Variants in CPZ observed in about 807,000 individuals in gnomAD.
The protein encoded by CPZ is carboxypeptidase Z.
Under a neutral mutation model 61.8 loss-of-function variants are expected in CPZ, and 103 were observed. The ratio of observed to expected loss-of-function variants is 1.67; its 90% CI spans 1.42 to 1.96. The LOEUF is 1.96. CPZ is among the 30% of genes most tolerant of loss of function. The pLI is 0.00. For missense variants in CPZ, 1,461 were observed against 914.9 expected (o/e 1.60, Z -7.70); for synonymous variants, 551 against 373.7 (o/e 1.47, Z -5.47).
chr4:8,619,710 C>T lies in CPZ; in HGVS notation c.*93C>T. The T allele has an allele frequency of 1.1e-6, 1 of 928,430 alleles. No homozygotes were observed. Among genetic ancestry groups the T allele is most frequent in the Non-Finnish European group, 1.5e-6 (1 of 651,478 alleles). 57.5% of individuals were successfully genotyped at this position (928,430 alleles called of 1,614,324 possible). On this transcript the variant is annotated 3_prime_UTR_variant, in exon 11 of 11. Transcript: ENST00000360986. Reference sequence around the variant, plus strand: ...TTGATTTTGTCTGCCACAGACATCCCACAAAGCCGCTGCCATTTTATTAAA... The same window carrying T: ...TTGATTTTGTCTGCCACAGACATCCTACAAAGCCGCTGCCATTTTATTAAA...
intron 4 of CPZ, 64 bp downstream of exon 4, chr4:8,604,252 T>G: frequency 7.0e-7 from 1 of 1,424,316 alleles, no homozygotes; most frequent in Non-Finnish European, 9.4e-7. Flanking sequence ...CCGCTCCACC[T>G]TCGGGTGCAC....
At position 8,592,844 on chromosome 4, in the gene CPZ, CG is replaced by C. The variant is rs1560286292; in HGVS notation, c.12del (p.Leu5CysfsTer78). 2.1e-5 allele frequency: 31 copies of C among 1,479,158 alleles called. No homozygotes were observed. Among genetic ancestry groups the C allele is most frequent in the Admixed American group, 7.1e-5 (3 of 41,972 alleles). 91.6% of individuals were successfully genotyped at this position (1,479,158 alleles called of 1,614,324 possible). MPP[P>X]LPLLLLTVLV... ...GTCCGCCGCCCCACCATGCCGCCCC[CG>C]CTGCCGCTGCTGCTCCTTACAGTCC... On this transcript the variant is annotated frameshift_variant, in exon 1 of 11. Transcript: ENST00000360986. LOFTEE classifies it high-confidence loss of function.
intron 7 of CPZ, among the ~76,000 whole-genome samples, chr4:8,608,128 C>CT (rs1553877362): frequency 1.7e-5 from 2 of 117,652 alleles, no homozygotes; most frequent in Non-Finnish European, 3.5e-5. Context: ...TGAGGTGGGC[C>CT]CCAGCCTCCA....
intron 1 of CPZ, among the ~76,000 whole-genome samples, chr4:8,598,272 C>G (rs1714325246): frequency 6.6e-6 from 1 of 152,228 alleles, no homozygotes; most frequent in South Asian, 2.1e-4. Flanking sequence ...AACCCAGTCC[C>G]AGGAAGTTCC....
chr4:8,608,739 T>A (rs1251754612), intron 7 of CPZ, among the ~76,000 whole-genome samples: 1 of 151,696 alleles, frequency 6.6e-6, no homozygotes, highest in African/African-American at 2.4e-5. Context: ...GAGGTGGCGG[T>A]TTCCCAAAAG....
At chr4:8,594,198 C>A (rs888411736) in intron 1 of CPZ, among the ~76,000 whole-genome samples, 9 of 152,200 alleles carry the variant, frequency 5.9e-5, no homozygotes, top group African/African-American at 2.2e-4. Context: ...ATCACTCATC[C>A]CCCAGTCCAG....
Position 8,607,439 on chromosome 4 carries a change from CG to C in CPZ, c.1227+17del. The C allele has an allele frequency of 6.2e-7, 1 of 1,612,824 alleles. No homozygotes were observed. The highest frequency in any genetic ancestry group is 1.1e-5 in the South Asian group (1 of 90,888). The stretch of plus-strand genomic sequence containing the variant: ...CCCGACGAGAAGGTGAGAGGGCTGT[CG>C]GGTGTGTGCAGGGGAGGGAGACAGT... On this transcript the variant is annotated intron_variant, in intron 7 of 10. Coordinates refer to ENST00000360986, the MANE Select transcript of CPZ (RefSeq NM_001014447.3).
intron 7 of CPZ, among the ~76,000 whole-genome samples, chr4:8,607,969 C>A (rs1024657741): frequency 6.6e-6 from 1 of 152,172 alleles, no homozygotes; most frequent in Non-Finnish European, 1.5e-5. Context: ...TCCTACTGTT[C>A]GTAGAGCAGC....
chr4:8,595,474 C>A (rs1485768171), intron 1 of CPZ, among the ~76,000 whole-genome samples: 2 of 152,198 alleles, frequency 1.3e-5, no homozygotes, highest in African/African-American at 4.8e-5. Context: ...AGAGGGTGGG[C>A]TTTGGGTCAG....
intron 10 of CPZ, 111 bp downstream of exon 10, chr4:8,618,639 G>C: frequency 1.0e-6 from 1 of 1,002,330 alleles, no homozygotes. Context: ...CAGCAGGATG[G>C]CTCCATTCCT....
At chr4:8,613,880 T>C (rs565842819) in intron 8 of CPZ, among the ~76,000 whole-genome samples, 3 of 152,316 alleles carry the variant, frequency 2.0e-5, no homozygotes, top group East Asian at 1.9e-4. Flanking sequence ...TAAATGGACA[T>C]TGTCACCATG....
chr4:8,593,454 AC>A (rs1713949019), intron 1 of CPZ, among the ~76,000 whole-genome samples: 1 of 152,108 alleles, frequency 6.6e-6, no homozygotes, highest in Non-Finnish European at 1.5e-5. Context: ...GAGGGAATGG[AC>A]GCAGGGATCC....
At chr4:8,608,608 G>A (rs151110467) in intron 7 of CPZ, among the ~76,000 whole-genome samples, 1 of 152,000 alleles carries the variant, frequency 6.6e-6, no homozygotes, top group Non-Finnish European at 1.5e-5. Flanking sequence ...GCAAGGAGAA[G>A]ACTGCCAGGG....
At chr4:8,611,178 C>T (rs2109337222) in intron 7 of CPZ, 2 of 449,994 alleles carry the variant, frequency 4.4e-6, no homozygotes, top group Admixed American at 2.4e-5. Context: ...GCCCCCTCCT[C>T]AGCACAGACC....
At chr4:8,605,578 G>T (rs112568145) in intron 4 of CPZ, among the ~76,000 whole-genome samples, 4,514 of 108,814 alleles carry the variant, frequency 0.041, 192 homozygotes, top group African/African-American at 0.16. Context: ...TATCCATCCA[G>T]CCATCCAGCC....
intron 10 of CPZ, among the ~76,000 whole-genome samples, chr4:8,618,771 T>C (rs1330375017): frequency 2.0e-5 from 3 of 152,216 alleles, no homozygotes; most frequent in African/African-American, 7.2e-5. Context: ...GCATGCTCTG[T>C]ATTCCTAGGA....
At position 8,592,839 on chromosome 4, in the gene CPZ, G is replaced by T; in HGVS notation, c.6G>T (p.Pro2=). 2 of 1,473,534 alleles carry T rather than the reference G, an allele frequency of 1.4e-6. No homozygotes were observed. The highest frequency in any genetic ancestry group is 2.6e-5 in the South Asian group (2 of 76,546). 91.3% of individuals were successfully genotyped at this position (1,473,534 alleles called of 1,614,324 possible). Reference sequence around the variant, plus strand: ...CCAAGGTCCGCCGCCCCACCATGCCGCCCCCGCTGCCGCTGCTGCTCCTTA... The same window carrying T: ...CCAAGGTCCGCCGCCCCACCATGCCTCCCCCGCTGCCGCTGCTGCTCCTTA... M[P]PPLPLLLLTV... is the part of the protein sequence containing the mutation. Residue 2 remains proline (P), a synonymous_variant, in exon 1 of 11, where the codon CCG becomes CCT. Coordinates refer to ENST00000360986, the MANE Select transcript of CPZ (RefSeq NM_001014447.3).
At chr4:8,616,345 T>A (rs546257104) in intron 9 of CPZ, among the ~76,000 whole-genome samples, 1 of 152,198 alleles carries the variant, frequency 6.6e-6, no homozygotes, top group South Asian at 2.1e-4. Context: ...CTGTGTTTCA[T>A]GAAGGTGACC....
rs377044015 is a variant in CPZ at position 8,614,686 on chromosome 4, G to A, written c.1503+188G>A. On this transcript the variant is annotated intron_variant, in intron 9 of 10. Transcript: ENST00000360986. ...GATACAGTAGCCGGCTCTCCTTTGC[G>A]TGCTCTGTGGGTGCTGGGGTGGCGG... Among the ~76,000 whole-genome samples the A allele has an allele frequency of 3.0e-4, 46 of 152,294 alleles. 1 individual carries two copies. The highest frequency in any genetic ancestry group is 9.1e-4 in the African/African-American group (38 of 41,560).
Sources: gnomAD v4.1 joint callset for allele counts (sites outside exome capture counted in the v4.1 genomes callset) on GRCh38, gnomAD v4.1.1 for gene constraint, MANE v1.5 for transcripts, NCBI Gene and HGNC (gene_info 2026-07-23, HGNC 2026-07-21) for gene names.